The following PELI2 variants were observed in gnomAD, a reference collection of about 807,000 sequenced individuals.
PELI2 encodes E3 ubiquitin-protein ligase pellino homolog 2.
A neutral mutation model predicts 42.3 loss-of-function variants in PELI2; 23 were observed. That is an observed-to-expected ratio of 0.54 (90% CI 0.39 to 0.77). The LOEUF (loss-of-function observed/expected upper bound fraction) is 0.77. PELI2 is among the 30% of genes least tolerant of loss of function. PELI2 has a pLI of 0.00. For synonymous variants in PELI2, 245 were observed against 212.2 expected (o/e 1.15, Z -1.34); for missense variants, 463 against 553.2 (o/e 0.84, Z 1.64).
chr14:56,276,147 C>T (rs1449900104), intron 2 of PELI2, among the ~76,000 whole-genome samples: 1 of 152,174 alleles, frequency 6.6e-6, no homozygotes, highest in Non-Finnish European at 1.5e-5. Context: ...TATGTACTTG[C>T]AGACTTTTCC....
intron 1 of PELI2, among the ~76,000 whole-genome samples, chr14:56,130,168 C>T (rs1042167299): frequency 6.6e-6 from 1 of 152,084 alleles, no homozygotes; most frequent in Non-Finnish European, 1.5e-5. Context: ...AGGGCTGGCT[C>T]CTGAGCCCTG....
At chr14:56,256,364 A>ATC (rs770464550) in intron 2 of PELI2, among the ~76,000 whole-genome samples, 1 of 152,256 alleles carries the variant, frequency 6.6e-6, no homozygotes, top group African/African-American at 2.4e-5. Flanking sequence ...AGGTGGGAGA[A>ATC]TCTCTTGAAC....
intron 1 of PELI2, among the ~76,000 whole-genome samples, chr14:56,129,969 C>G (rs921755182): frequency 5.9e-5 from 9 of 152,170 alleles, no homozygotes; most frequent in Admixed American, 1.3e-4. Flanking sequence ...TCTGCCATTT[C>G]TTCAGGGTGC....
intron 1 of PELI2, 50 bp from the exon 2 acceptor site, chr14:56,178,285 A>G: frequency 6.2e-7 from 1 of 1,600,640 alleles, no homozygotes; most frequent in Non-Finnish European, 8.6e-7. Flanking sequence ...TTTTATGTTT[A>G]AAGCTTGAAA....
intron 1 of PELI2, among the ~76,000 whole-genome samples, chr14:56,168,232 CCAGGCT>C (rs1885037677): frequency 6.6e-6 from 1 of 151,488 alleles, no homozygotes; most frequent in South Asian, 2.1e-4. Flanking sequence ...GCAAAACCAG[CCAGGCT>C]GTGTCCTTCC....
chr14:56,236,306 T>C (rs1464186211), intron 2 of PELI2, among the ~76,000 whole-genome samples: 1 of 152,208 alleles, frequency 6.6e-6, no homozygotes, highest in Non-Finnish European at 1.5e-5. Flanking sequence ...AGCTGTCATG[T>C]CATGAATACC....
In PELI2 at chr14:56,171,289, A is replaced by G. The variant is rs1200495346; in HGVS notation, c.78-7046A>G. The stretch of plus-strand genomic sequence containing the variant: ...GTGTTATATCAGGAATGGGTTCCTG[A>G]TAAAAGGATGAGTTCAATTTCTTGC... On this transcript the variant is annotated intron_variant, in intron 1 of 5. Coordinates refer to ENST00000267460, the MANE Select transcript of PELI2 (RefSeq NM_021255.3). 2.6e-5 allele frequency among the ~76,000 whole-genome samples: 4 copies of G among 152,288 alleles called. 1 individual carries two copies. Among genetic ancestry groups the G allele is most frequent in the East Asian group, 1.9e-4 (1 of 5,184 alleles).
chr14:56,193,713 C>T (rs1886032471), intron 2 of PELI2, among the ~76,000 whole-genome samples: 1 of 152,124 alleles, frequency 6.6e-6, no homozygotes, highest in Non-Finnish European at 1.5e-5. Flanking sequence ...AAAATTTTAT[C>T]AAGTTTCTGA....
chr14:56,118,820 G>C (rs1882948881), intron 1 of PELI2, 83 bp downstream of exon 1: 3 of 924,206 alleles, frequency 3.2e-6, no homozygotes, highest in Non-Finnish European at 4.6e-6. Context: ...GGGGTGGCTC[G>C]GTGCTCTTTG....
chr14:56,256,154 G>T (rs1009243850), intron 2 of PELI2, among the ~76,000 whole-genome samples: 1 of 152,114 alleles, frequency 6.6e-6, no homozygotes, highest in African/African-American at 2.4e-5. Context: ...ACACTCAGGA[G>T]CAGTGGCTCA....
chr14:56,165,461 C>T (rs765403747), intron 1 of PELI2, among the ~76,000 whole-genome samples: 10 of 152,112 alleles, frequency 6.6e-5, no homozygotes, highest in African/African-American at 1.9e-4. Context: ...TGTCTTCAAG[C>T]GCATATGTGA....
chr14:56,175,854 A>G (rs11620794), intron 1 of PELI2, among the ~76,000 whole-genome samples: 58,089 of 152,028 alleles, frequency 0.38, 12,355 homozygotes, highest in South Asian at 0.52. Context: ...ATCTGGGCCA[A>G]TAGAAACCCT....
Position 56,254,412 on chromosome 14 carries a change from T to C in PELI2, c.208-25264T>C, listed in dbSNP as rs1282003988. On this transcript the variant is annotated intron_variant, in intron 2 of 5. Transcript: ENST00000267460. ...ACTCCATCTCAAAAAAAAAAAAAAA[T>C]GGTGTTGGGAAAACTGGCTAGCCCT... 2.7e-5 allele frequency among the ~76,000 whole-genome samples: 3 copies of C among 110,378 alleles called. 1 individual carries two copies. In the East Asian group the frequency reaches 7.6e-4, roughly 28 times the overall value. 72.4% of individuals were successfully genotyped at this position (110,378 alleles called of 152,430 possible). A position where few individuals can be genotyped will look rare whatever the true frequency, so the allele number is the denominator to read the frequency against.
chr14:56,266,856 T>C (rs890988786), intron 2 of PELI2, among the ~76,000 whole-genome samples: 2 of 152,150 alleles, frequency 1.3e-5, no homozygotes, highest in Admixed American at 1.3e-4. Context: ...AAAAGATGCA[T>C]TAAATAAACC....
rs941438160 is a variant in PELI2, at chr14:56,219,558, A to G, written c.207+41094A>G. On this transcript the variant is annotated intron_variant, in intron 2 of 5. Coordinates refer to ENST00000267460, the MANE Select transcript of PELI2 (RefSeq NM_021255.3). This position sits in a 1 kb window ranked among gnomAD's most constrained non-coding sequence, Gnocchi z 4.1. ...ATCTTACAAACAGTAGGCATCCACA[A>G]GGAAGTCAAAGAAAGGGTCTCTGAG... Among the ~76,000 whole-genome samples the G allele has an allele frequency of 2.6e-5, 4 of 152,184 alleles. No homozygotes were observed. Among genetic ancestry groups the G allele is most frequent in the African/African-American group, 9.7e-5 (4 of 41,436 alleles).
intron 1 of PELI2, among the ~76,000 whole-genome samples, chr14:56,147,800 G>A (rs1378834124): frequency 6.6e-6 from 1 of 152,132 alleles, no homozygotes; most frequent in African/African-American, 2.4e-5. Flanking sequence ...TGAGGTGTGT[G>A]GTTTGGGTGT....
At chr14:56,163,805 T>G (rs1884853452) in intron 1 of PELI2, among the ~76,000 whole-genome samples, 1 of 152,130 alleles carries the variant, frequency 6.6e-6, no homozygotes, top group Admixed American at 6.5e-5. Context: ...GGTATTTAAT[T>G]TTATGTGTGG....
chr14:56,296,144 G>A lies in PELI2; in HGVS notation c.697-456G>A, dbSNP rs1889992149. ...GCTAAGGGTCACCAGGAGTGCTTTG[G>A]ACCCTCCAGTAATGACTGCAGGCCC... On this transcript the variant is annotated intron_variant, in intron 5 of 5. Transcript: ENST00000267460. 1.3e-5 allele frequency among the ~76,000 whole-genome samples: 2 copies of A among 152,200 alleles called. 1 individual carries two copies. Among genetic ancestry groups the A allele is most frequent in the South Asian group, 4.1e-4 (2 of 4,824 alleles).
intron 1 of PELI2, among the ~76,000 whole-genome samples, chr14:56,124,664 G>C (rs898925502): frequency 4.6e-5 from 7 of 152,222 alleles, no homozygotes; most frequent in Admixed American, 3.9e-4. Flanking sequence ...CCCTGCTGCT[G>C]CAGCACTGAC....
Sources: gnomAD v4.1 joint callset for allele counts (sites outside exome capture counted in the v4.1 genomes callset) on GRCh38, gnomAD v4.1.1 for gene constraint, Gnocchi (gnomAD v3.1) non-coding constraint, MANE v1.5 for transcripts, NCBI Gene and HGNC (gene_info 2026-07-23, HGNC 2026-07-21) for gene names.